GALNT13: variants seen among roughly 807,000 people sequenced by gnomAD.
GALNT13 encodes the protein UDP-GalNAc:polypeptide N-acetylgalactosaminyltransferase 13.
Under a neutral mutation model 64.2 loss-of-function variants are expected in GALNT13, and 28 were observed. That is an observed-to-expected ratio of 0.44 (90% CI 0.32 to 0.60). GALNT13 has a LOEUF of 0.60. Ranked by LOEUF, GALNT13 falls within the 20% of genes least tolerant of loss-of-function variation. The probability of loss-of-function intolerance (pLI) is 0.05; values close to 1 mark genes in which losing one functional copy is unlikely to be tolerated. For missense variants in GALNT13, 577 were observed against 669.8 expected, an observed-to-expected ratio of 0.86 and a Z score of 1.53; for synonymous variants, 214 against 224.6, an observed-to-expected ratio of 0.95 and a Z score of 0.42.
chr2:154,337,234 C>T (rs978997625), intron 9 of GALNT13, among the ~76,000 whole-genome samples: 1 of 151,982 alleles, frequency 6.6e-6, no homozygotes, highest in African/African-American at 2.4e-5. Flanking sequence ...TGTAATACCA[C>T]ACCAAGTAAA....
At chr2:154,090,793 T>C (rs1201993281) in intron 3 of GALNT13, among the ~76,000 whole-genome samples, 1 of 152,032 alleles carries the variant, frequency 6.6e-6, no homozygotes, top group African/African-American at 2.4e-5. Context: ...CAAATATTTA[T>C]ATATTTGTGT....
chr2:154,331,981 T>C (rs1349427855), intron 9 of GALNT13, among the ~76,000 whole-genome samples: 1 of 152,150 alleles, frequency 6.6e-6, no homozygotes, highest in East Asian at 1.9e-4. Flanking sequence ...AATAGCAATG[T>C]GCTGTCTCCA....
chr2:153,989,869 G>T (rs1298395382), intron 3 of GALNT13, among the ~76,000 whole-genome samples: 5 of 152,024 alleles, frequency 3.3e-5, no homozygotes, highest in Admixed American at 3.3e-4. Context: ...GAAAAGTCCA[G>T]AGGTAAATAA....
At chr2:153,619,903 G>A in the GALNT13 span, among the ~76,000 whole-genome samples, 2 of 152,054 alleles carry the variant, frequency 1.3e-5, no homozygotes, top group South Asian at 2.1e-4. Flanking sequence ...TTGGGAGTTT[G>A]ATTATTAAAT....
At chr2:153,092,207 G>A in the GALNT13 span, among the ~76,000 whole-genome samples, 2 of 152,102 alleles carry the variant, frequency 1.3e-5, no homozygotes, top group Non-Finnish European at 2.9e-5. Flanking sequence ...TTATGTGTCT[G>A]TTGTTATGCT....
chr2:153,906,328 T>C (rs62174148), intron 2 of GALNT13, among the ~76,000 whole-genome samples: 30,018 of 150,706 alleles, frequency 0.2, 3,888 homozygotes, highest in Middle Eastern at 0.33. Context: ...ATGTGCCATG[T>C]TGGTGTGCTG....
At chr2:153,780,610 CTA>C in the GALNT13 span, among the ~76,000 whole-genome samples, 1 of 152,076 alleles carries the variant, frequency 6.6e-6, no homozygotes. Context: ...CAGTCATGCT[CTA>C]ACACTAACCA....
At chr2:153,985,445 T>C (rs1324459856) in intron 3 of GALNT13, among the ~76,000 whole-genome samples, 1 of 152,010 alleles carries the variant, frequency 6.6e-6, no homozygotes, top group Non-Finnish European at 1.5e-5. Flanking sequence ...TATATCAAGC[T>C]TTCCATTCTA....
chr2:153,853,343 C>A, the GALNT13 span, among the ~76,000 whole-genome samples: 336 of 152,248 alleles, frequency 2.2e-3, 1 homozygote, highest in African/African-American at 8.0e-3. Context: ...TACTTTGTAT[C>A]CTTCAATCAG....
chr2:153,496,886 C>T, the GALNT13 span, among the ~76,000 whole-genome samples: 2 of 149,882 alleles, frequency 1.3e-5, no homozygotes, highest in African/African-American at 4.9e-5. Context: ...CCCAGCTACT[C>T]GGGAGGTTGA....
the GALNT13 span, among the ~76,000 whole-genome samples, chr2:153,662,927 A>G: frequency 6.6e-6 from 1 of 152,184 alleles, no homozygotes; most frequent in East Asian, 1.9e-4. Context: ...TCAGAGTTAG[A>G]CAATTACGTA....
At chr2:153,080,352 T>C in the GALNT13 span, among the ~76,000 whole-genome samples, 3 of 152,148 alleles carry the variant, frequency 2.0e-5, no homozygotes, top group Non-Finnish European at 4.4e-5. Context: ...TTTAGCCCTG[T>C]CATAGGTTCA....
chr2:153,158,335 T>C, the GALNT13 span, among the ~76,000 whole-genome samples: 2 of 152,334 alleles, frequency 1.3e-5, no homozygotes, highest in East Asian at 3.9e-4. Context: ...TCAGTTTTAA[T>C]AGTAAATTAA....
chr2:153,433,272 G>A, the GALNT13 span, among the ~76,000 whole-genome samples: 2 of 152,126 alleles, frequency 1.3e-5, no homozygotes, highest in African/African-American at 4.8e-5. Context: ...GGTCTTAGAA[G>A]GTTCTGATCT....
chr2:153,748,595 T>C, the GALNT13 span, among the ~76,000 whole-genome samples: 1 of 152,282 alleles, frequency 6.6e-6, no homozygotes, highest in Non-Finnish European at 1.5e-5. Context: ...TCTATTCAAA[T>C]GTTTTGCCAA....
At chr2:153,999,109 A>G (rs533315425) in intron 3 of GALNT13, among the ~76,000 whole-genome samples, 71 of 152,284 alleles carry the variant, frequency 4.7e-4, no homozygotes, top group African/African-American at 1.4e-3. Flanking sequence ...CTAAGCAAAA[A>G]GAACAAAGCT....
the GALNT13 span, among the ~76,000 whole-genome samples, chr2:153,323,461 T>A: frequency 1.3e-5 from 2 of 152,316 alleles, no homozygotes; most frequent in East Asian, 3.9e-4. Flanking sequence ...CTGATGATAA[T>A]TTCTTTTGCT....
chr2:154,024,211 C>T (rs1055951597), intron 3 of GALNT13, among the ~76,000 whole-genome samples: 1 of 151,992 alleles, frequency 6.6e-6, no homozygotes, highest in African/African-American at 2.4e-5. Flanking sequence ...TTGTGGCATT[C>T]TCTGTATTTC....
chr2:153,278,642 A>G, the GALNT13 span, among the ~76,000 whole-genome samples: 1 of 151,892 alleles, frequency 6.6e-6, no homozygotes, highest in Non-Finnish European at 1.5e-5. Flanking sequence ...TCTTGTCAAC[A>G]TTGTCAAAAA....
Sources: gnomAD v4.1 joint callset for allele counts (sites outside exome capture counted in the v4.1 genomes callset) on GRCh38, gnomAD v4.1.1 for gene constraint, MANE v1.5 for transcripts, NCBI Gene and HGNC (gene_info 2026-07-23, HGNC 2026-07-21) for gene names.